The following SYT1 variants were observed in gnomAD, a reference collection of about 807,000 sequenced individuals.
SYT1 encodes the protein synaptotagmin 1, also known as synaptotagmin-1.
A neutral mutation model predicts 44.8 loss-of-function variants in SYT1; 8 were observed. The observed-to-expected ratio is 0.18, with a 90% CI of 0.10 to 0.32. The LOEUF (loss-of-function observed/expected upper bound fraction) is 0.32, where lower values mean the gene tolerates loss of function less well. Ranked by LOEUF, SYT1 falls within the 10% of genes least tolerant of loss-of-function variation. The pLI, the probability that SYT1 is intolerant of heterozygous loss-of-function variation, is 1.00. For missense variants in SYT1, 286 were observed against 509.3 expected, an observed-to-expected ratio of 0.56 and a Z score of 4.22; for synonymous variants, 154 against 188.8, an observed-to-expected ratio of 0.82 and a Z score of 1.51.
At chr12:79,284,484 GT>G (rs1320741338) in intron 4 of SYT1, among the ~76,000 whole-genome samples, 2 of 151,946 alleles carry the variant, frequency 1.3e-5, no homozygotes, top group Non-Finnish European at 2.9e-5. Flanking sequence ...AGTAGTTTAT[GT>G]TTTTTCATAT....
At chr12:79,377,338 C>T (rs1050166390) in intron 9 of SYT1, among the ~76,000 whole-genome samples, 6 of 152,190 alleles carry the variant, frequency 3.9e-5, no homozygotes, top group African/African-American at 1.4e-4. Context: ...GTCTCGATCT[C>T]CTGACCTCGT....
chr12:79,011,858 A>C (rs974461300), intron 2 of SYT1, among the ~76,000 whole-genome samples: 2 of 152,010 alleles, frequency 1.3e-5, no homozygotes, highest in African/African-American at 2.4e-5. Flanking sequence ...TAGGCCTGGC[A>C]TGGTGGCTCA....
intron 9 of SYT1, among the ~76,000 whole-genome samples, chr12:79,380,388 A>G (rs1383328644): frequency 1.3e-5 from 2 of 152,116 alleles, no homozygotes; most frequent in Non-Finnish European, 2.9e-5. Context: ...TGGGATGAAG[A>G]ATTTTTTGTT....
At chr12:79,386,035 A>G (rs1051713204) in intron 9 of SYT1, among the ~76,000 whole-genome samples, 7 of 152,144 alleles carry the variant, frequency 4.6e-5, no homozygotes, top group Non-Finnish European at 8.8e-5. Flanking sequence ...AGTCTCTAAT[A>G]CTGCTGCAGT....
intron 3 of SYT1, among the ~76,000 whole-genome samples, chr12:79,086,193 CATT>C (rs150070638): frequency 6.6e-6 from 1 of 152,220 alleles, no homozygotes; most frequent in African/African-American, 2.4e-5. Context: ...TCATCATCAT[CATT>C]GTTATATAAA....
chr12:78,994,472 TTC>T (rs1870227343), intron 2 of SYT1, among the ~76,000 whole-genome samples: 1 of 150,000 alleles, frequency 6.7e-6, no homozygotes, highest in Non-Finnish European at 1.5e-5. Flanking sequence ...TTTCTTTGTT[TTC>T]TTTTTCTTCT....
rs72484635 is a variant in SYT1 at position 79,176,570 on chromosome 12, C to T, written c.-17-40933C>T. The stretch of plus-strand genomic sequence containing the variant: ...CTTTTAACTAAACACTGATACTCTA[C>T]AACCTGCTTCGTACAGTACATTTAT... On this transcript the variant is annotated intron_variant, in intron 3 of 10. Transcript: ENST00000261205. Among the ~76,000 whole-genome samples the T allele has an allele frequency of 3.9e-5, 6 of 152,056 alleles. No individual in the cohort carries two copies. In the East Asian group the frequency reaches 1.2e-3, roughly 29 times the overall value.
intron 2 of SYT1, among the ~76,000 whole-genome samples, chr12:79,022,835 A>T (rs959705388): frequency 2.0e-5 from 3 of 151,758 alleles, no homozygotes; most frequent in African/African-American, 7.3e-5. Flanking sequence ...TTCTTTACTG[A>T]GTAAAATTGG....
At chr12:79,217,774 A>G (rs1874906240) in intron 4 of SYT1, 89 bp downstream of exon 4, 1 of 1,053,690 alleles carries the variant, frequency 9.5e-7, no homozygotes, top group South Asian at 2.2e-5. Flanking sequence ...CGTTTGATAT[A>G]CTATAAATTT....
At chr12:79,155,277 T>C (rs867016887) in intron 3 of SYT1, among the ~76,000 whole-genome samples, 1 of 152,182 alleles carries the variant, frequency 6.6e-6, no homozygotes, top group Middle Eastern at 3.2e-3. Flanking sequence ...GCTAATCAAA[T>C]ATTAGAATGG....
In SYT1 at chr12:79,285,982, C is replaced by T. The variant is rs192278748; in HGVS notation, c.351+11C>T. On this transcript the variant is annotated intron_variant, in intron 5 of 10. Coordinates refer to ENST00000261205, the MANE Select transcript of SYT1 (RefSeq NM_005639.3). ...ACGATGAAAGATCAGGTAATGTATT[C>T]TTTCTACATTTCTTCTTATTTTGTT... 6.3e-7 allele frequency: 1 copy of T among 1,585,710 alleles called. No individual in the cohort carries two copies. Among genetic ancestry groups the T allele is most frequent in the Admixed American group, 1.9e-5 (1 of 51,648 alleles).
At chr12:78,878,236 G>A (rs1461896506) in intron 1 of SYT1, among the ~76,000 whole-genome samples, 2 of 151,710 alleles carry the variant, frequency 1.3e-5, no homozygotes, top group African/African-American at 4.8e-5. Flanking sequence ...AATAGTGAGT[G>A]GAGAACTAGT....
At chr12:79,131,113 T>G (rs1241037271) in intron 3 of SYT1, among the ~76,000 whole-genome samples, 1 of 151,932 alleles carries the variant, frequency 6.6e-6, no homozygotes. Context: ...TGCATGTGTG[T>G]TTTCTTTTTT....
In SYT1 at chr12:79,047,341, C is replaced by A. The variant is rs571423428; in HGVS notation, c.-39C>A. 14 of 151,800 alleles carry A rather than the reference C, an allele frequency of 9.2e-5. No homozygotes were observed. The South Asian group carries it at 2.9e-3, about 31-fold the overall frequency. 9.4% of individuals were successfully genotyped at this position (151,800 alleles called of 1,614,324 possible). ...AAGAAAGAAAACAAAGAAAAACATACTCCAGAATTCCTAATAGAACAGTAA... is the reference window on the plus strand; with the variant it reads ...AAGAAAGAAAACAAAGAAAAACATAATCCAGAATTCCTAATAGAACAGTAA... On this transcript the variant is annotated 5_prime_UTR_variant, in exon 3 of 11. Transcript: ENST00000261205.
Position 79,444,203 on chromosome 12 carries a change from C to A in SYT1, c.1059C>A (p.Ile353=). Residue 353 remains isoleucine (I), a synonymous_variant, in exon 10 of 11, where the codon ATC becomes ATA. Transcript: ENST00000261205. ...SFSFEVPFEQ[I]QKVQVVVTVL... is the part of the protein sequence containing the mutation. ...GCTTTGAAGTACCTTTTGAACAAAT[C>A]CAGGTAATGTCAAACATAACTTTGT... 2 of 1,612,520 alleles carry A rather than the reference C, an allele frequency of 1.2e-6. No homozygotes were observed. Among genetic ancestry groups the A allele is most frequent in the South Asian group, 1.1e-5 (1 of 90,746 alleles).
intron 9 of SYT1, among the ~76,000 whole-genome samples, chr12:79,398,763 T>C (rs1043289669): frequency 6.6e-6 from 1 of 152,236 alleles, no homozygotes; most frequent in Admixed American, 6.5e-5. Context: ...ATTGCTATTT[T>C]AGAAGGAAAA....
intron 1 of SYT1, among the ~76,000 whole-genome samples, chr12:78,868,035 G>A (rs549329876): frequency 6.6e-6 from 1 of 151,870 alleles, no homozygotes; most frequent in South Asian, 2.1e-4. Flanking sequence ...TTGATTTTGA[G>A]AAAATTCCCA....
chr12:79,093,514 G>A (rs959009604), intron 3 of SYT1, among the ~76,000 whole-genome samples: 3 of 151,604 alleles, frequency 2.0e-5, no homozygotes, highest in Admixed American at 6.6e-5. Flanking sequence ...GAAGACCAAA[G>A]TTTAGTTTTT....
At chr12:78,963,460 A>C (rs1448234415) in intron 1 of SYT1, among the ~76,000 whole-genome samples, 1 of 152,158 alleles carries the variant, frequency 6.6e-6, no homozygotes, top group Non-Finnish European at 1.5e-5. Context: ...CTACAAATCA[A>C]TAGCAAAAAA....
Sources: allele counts gnomAD v4.1 joint callset (sites outside exome capture counted in the v4.1 genomes callset), GRCh38; gene constraint gnomAD v4.1.1; transcripts MANE v1.5; gene names NCBI Gene and HGNC (gene_info 2026-07-23, HGNC 2026-07-21).